Variants in SIPA1L1 observed in about 807,000 individuals in gnomAD.
SIPA1L1 encodes the protein signal induced proliferation associated 1 like 1.
A neutral mutation model predicts 162.7 loss-of-function variants in SIPA1L1; 26 were observed. The observed-to-expected ratio is 0.16, with a 90% CI of 0.12 to 0.22. SIPA1L1 has a LOEUF of 0.22. SIPA1L1 is among the 10% of genes least tolerant of loss of function. The pLI is 1.00. For missense variants in SIPA1L1, 1,874 were observed against 2,241.0 expected, an observed-to-expected ratio of 0.84 and a Z score of 3.31; for synonymous variants, 829 against 837.4, an observed-to-expected ratio of 0.99 and a Z score of 0.17.
intron 2 of SIPA1L1, among the ~76,000 whole-genome samples, chr14:71,433,222 A>G (rs967369373): frequency 1.1e-4 from 16 of 152,232 alleles, no homozygotes; most frequent in African/African-American, 3.9e-4. Context: ...TTACCCGTTC[A>G]GGGAACTCAG....
chr14:71,323,312 G>A (rs903582525), intron 2 of SIPA1L1, among the ~76,000 whole-genome samples: 19 of 152,146 alleles, frequency 1.2e-4, no homozygotes, highest in African/African-American at 4.6e-4. Flanking sequence ...TTAGATAAAT[G>A]ACTGTTTTTC....
intron 19 of SIPA1L1, among the ~76,000 whole-genome samples, chr14:71,725,660 T>A (rs1326252488): frequency 6.6e-6 from 1 of 152,032 alleles, no homozygotes; most frequent in Non-Finnish European, 1.5e-5. Context: ...AAGTGTGGAG[T>A]CTCACGCCCC....
intron 4 of SIPA1L1, among the ~76,000 whole-genome samples, chr14:71,583,298 T>C (rs913182924): frequency 2.6e-5 from 4 of 152,172 alleles, no homozygotes; most frequent in African/African-American, 9.7e-5. Flanking sequence ...GCCTGGAAAT[T>C]TTCATAAATA....
At chr14:71,530,606 T>A (rs1353834431) in intron 4 of SIPA1L1, among the ~76,000 whole-genome samples, 1 of 152,198 alleles carries the variant, frequency 6.6e-6, no homozygotes, top group Non-Finnish European at 1.5e-5. Flanking sequence ...CCTTTTTGAT[T>A]AGCAGAAAAA....
chr14:71,703,086 T>C (rs992191722), intron 15 of SIPA1L1, among the ~76,000 whole-genome samples: 2 of 152,190 alleles, frequency 1.3e-5, no homozygotes, highest in Admixed American at 6.5e-5. Context: ...TTTCTTTCTA[T>C]ATATATGTTG....
chr14:71,690,354 T>A (rs769930455), intron 13 of SIPA1L1, among the ~76,000 whole-genome samples: 10 of 152,102 alleles, frequency 6.6e-5, no homozygotes, highest in Non-Finnish European at 1.3e-4. Flanking sequence ...TCCTCCCACC[T>A]CAATCTGCTG....
chr14:71,408,655 T>TC (rs1157670136), intron 2 of SIPA1L1, among the ~76,000 whole-genome samples: 1 of 152,094 alleles, frequency 6.6e-6, no homozygotes, highest in African/African-American at 2.4e-5. Context: ...AAGATTTTTT[T>TC]CCCCCCTGGT....
intron 2 of SIPA1L1, among the ~76,000 whole-genome samples, chr14:71,354,607 G>C (rs538023160): frequency 1.1e-4 from 17 of 150,840 alleles, no homozygotes; most frequent in African/African-American, 3.9e-4. Context: ...AAAAAAAAAA[G>C]ACTGTGTGTG....
intron 2 of SIPA1L1, among the ~76,000 whole-genome samples, chr14:71,444,388 C>G (rs2045178516): frequency 6.6e-6 from 1 of 152,104 alleles, no homozygotes; most frequent in African/African-American, 2.4e-5. Flanking sequence ...GTATTCCATT[C>G]AGTACTTTTT....
intron 16 of SIPA1L1, among the ~76,000 whole-genome samples, chr14:71,706,167 T>C (rs967328194): frequency 6.6e-5 from 10 of 152,124 alleles, no homozygotes; most frequent in African/African-American, 1.9e-4. Flanking sequence ...AAGCAAGAGT[T>C]AGCATGCCCT....
intron 2 of SIPA1L1, among the ~76,000 whole-genome samples, chr14:71,336,476 T>A (rs2035103026): frequency 6.6e-6 from 1 of 152,236 alleles, no homozygotes; most frequent in South Asian, 2.1e-4. Flanking sequence ...ATTTTGTGTT[T>A]TGTGACTGGC....
In SIPA1L1 at chr14:71,737,587, G is replaced by A. The variant is rs759187503; in HGVS notation, c.5124-654G>A. 2.0e-5 allele frequency among the ~76,000 whole-genome samples: 3 copies of A among 152,028 alleles called. No homozygotes were observed. The South Asian group carries it at 6.2e-4, about 32-fold the overall frequency. On this transcript the variant is annotated intron_variant, in intron 22 of 23. Transcript: ENST00000381232. ...CCGTACCCCAGCTCACACTTCTTTC[G>A]GTACTCCACTAGCACGGCATGATTA...
chr14:71,708,405 G>A (rs978730831), intron 16 of SIPA1L1, among the ~76,000 whole-genome samples: 2 of 150,994 alleles, frequency 1.3e-5, no homozygotes, highest in East Asian at 1.9e-4. Context: ...GCTCACTGTA[G>A]CCTCAACCTC....
chr14:71,631,085 T>A lies in SIPA1L1; in HGVS notation c.1818+6849T>A, dbSNP rs543743668. On this transcript the variant is annotated intron_variant, in intron 7 of 23. Transcript: ENST00000381232. ...CCACCTTGTGTCCATGTGTTCTCAT[T>A]GTTCAGTTCCCACCTATGAGTGAGA... Among the ~76,000 whole-genome samples the A allele has an allele frequency of 7.4e-4, 113 of 152,224 alleles. 3 individuals carry two copies. The South Asian group carries it at 0.022, about 30-fold the overall frequency.
At chr14:71,657,549 G>T (rs1596701586) in intron 8 of SIPA1L1, among the ~76,000 whole-genome samples, 1 of 151,982 alleles carries the variant, frequency 6.6e-6, no homozygotes, top group African/African-American at 2.4e-5. Flanking sequence ...TTAAGATAAA[G>T]GCAGTAGAGG....
At chr14:71,673,809 A>AT (rs1373739831) in intron 12 of SIPA1L1, among the ~76,000 whole-genome samples, 1 of 152,220 alleles carries the variant, frequency 6.6e-6, no homozygotes, top group Non-Finnish European at 1.5e-5. Flanking sequence ...AGGAGTAAAT[A>AT]TTCAGAAACT....
intron 1 of SIPA1L1, 116 bp from the exon 2 acceptor site, chr14:71,321,005 CG>C (rs2032741401): frequency 6.6e-6 from 1 of 152,204 alleles, no homozygotes; most frequent in African/African-American, 2.4e-5. Flanking sequence ...CCGCCTCCCT[CG>C]GGCCCCCCTC....
chr14:71,411,591 AG>A (rs1184975481), intron 2 of SIPA1L1, among the ~76,000 whole-genome samples: 7 of 152,210 alleles, frequency 4.6e-5, no homozygotes, highest in Non-Finnish European at 7.3e-5. Context: ...GCTTTGGATA[AG>A]CATAGCATTC....
intron 4 of SIPA1L1, among the ~76,000 whole-genome samples, chr14:71,562,177 G>T (rs2056848719): frequency 6.6e-6 from 1 of 151,666 alleles, no homozygotes; most frequent in African/African-American, 2.4e-5. Context: ...GACTCTTGGG[G>T]ATACTATGGT....
Sources: gnomAD v4.1 joint callset for allele counts (sites outside exome capture counted in the v4.1 genomes callset) on GRCh38, gnomAD v4.1.1 for gene constraint, MANE v1.5 for transcripts, NCBI Gene and HGNC (gene_info 2026-07-23, HGNC 2026-07-21) for gene names.